Variants in CADPS observed in about 807,000 individuals in gnomAD.
CADPS encodes calcium-dependent secretion activator 1.
In CADPS, 57 loss-of-function variants were observed where a neutral mutation model predicts 167.3. The observed-to-expected ratio is 0.34, with a 90% CI of 0.28 to 0.42. The LOEUF (loss-of-function observed/expected upper bound fraction) is 0.42. Ranked by LOEUF, CADPS falls within the 20% of genes least tolerant of loss-of-function variation. CADPS has a pLI of 1.00. For synonymous variants in CADPS, 676 were observed against 635.3 expected (o/e 1.06, Z -0.96); for missense variants, 1,414 against 1,738.1 (o/e 0.81, Z 3.32).
chr3:62,510,780 T>C (rs2067637476), intron 17 of CADPS, among the ~76,000 whole-genome samples: 1 of 152,114 alleles, frequency 6.6e-6, no homozygotes. Flanking sequence ...CAGTTGGTTA[T>C]GTAGACCTAT....
intron 1 of CADPS, among the ~76,000 whole-genome samples, chr3:62,870,322 C>G (rs1251290011): frequency 6.6e-6 from 1 of 152,044 alleles, no homozygotes; most frequent in Admixed American, 6.6e-5. Flanking sequence ...TTGAGTAGAC[C>G]AAAGTGCCTC....
chr3:62,613,172 G>A (rs2061734221), intron 6 of CADPS, among the ~76,000 whole-genome samples: 1 of 152,152 alleles, frequency 6.6e-6, no homozygotes, highest in Admixed American at 6.6e-5. Context: ...GTACTAAAGG[G>A]ATAACAGGGT....
chr3:62,491,399 T>A lies in CADPS; in HGVS notation c.2966A>T (p.Glu989Val). 6.2e-7 allele frequency: 1 copy of A among 1,614,174 alleles called. No homozygotes were observed. Among genetic ancestry groups the A allele is most frequent in the Non-Finnish European group, 8.5e-7 (1 of 1,179,994 alleles). ...GTGAATGGATTGTGCAATTGAGGAC[T>A]CCATCAGATCCACATATCTAACAAC... Reference protein sequence around the residue: ...PLVVRYVDLMESSIAQSIHRG... With the variant: ...PLVVRYVDLMVSSIAQSIHRG... Residue 989 changes from glutamate (E) to valine (V), a missense_variant, in exon 21 of 30, where the codon GAG becomes GTG. By Grantham distance (121) the Glu-to-Val change is moderately radical. Around this residue, in one of 6 missense-constraint regions of CADPS, gnomAD observed 529 missense variants for 629.6 expected, o/e 0.84. Coordinates refer to ENST00000383710, the MANE Select transcript of CADPS (RefSeq NM_003716.4).
chr3:62,744,274 A>G (rs1330962806), intron 3 of CADPS, among the ~76,000 whole-genome samples: 1 of 152,160 alleles, frequency 6.6e-6, no homozygotes, highest in Non-Finnish European at 1.5e-5. Context: ...TGAAGCCTCC[A>G]CTAACAGTTC....
intron 28 of CADPS, among the ~76,000 whole-genome samples, chr3:62,413,141 T>C (rs757686551): frequency 2.2e-4 from 34 of 152,240 alleles, no homozygotes; most frequent in South Asian, 6.2e-4. Context: ...AGGCACAAGA[T>C]GGGAAAGCAG....
intron 8 of CADPS, among the ~76,000 whole-genome samples, chr3:62,576,788 T>TAAAAAAAAAAAAAAAAAAA (rs138055445): frequency 3.3e-4 from 10 of 29,864 alleles, no homozygotes; most frequent in East Asian, 2.5e-3. Flanking sequence ...AGACTCTGTC[T>TAAAAAAAAAAAAAAAAAAA]AAAAAAAAAA....
intron 2 of CADPS, 112 bp downstream of exon 2, chr3:62,765,759 G>A (rs1272496873): frequency 3.4e-6 from 2 of 591,780 alleles, no homozygotes; most frequent in East Asian, 2.7e-5. Context: ...TTTGCCTTAG[G>A]AAGGATGATA....
At chr3:62,745,596 A>G (rs1045588749) in intron 3 of CADPS, among the ~76,000 whole-genome samples, 18 of 152,196 alleles carry the variant, frequency 1.2e-4, no homozygotes, top group African/African-American at 2.7e-4. Flanking sequence ...TGCCTGGAAG[A>G]TTACTGTGAC....
rs558885330 is a variant in CADPS at position 62,484,942 on chromosome 3, T to C, written c.3027-3073A>G. On this transcript the variant is annotated intron_variant, in intron 21 of 29. Transcript: ENST00000383710. ...TTGAGCACTGAAGCCTCTGTCAGTG[T>C]TTGTTCTTAGGTCTAATCCCTACTT... Among the ~76,000 whole-genome samples, 195 of 152,310 alleles carry C rather than the reference T, an allele frequency of 1.3e-3. 2 individuals are homozygous for C. Among genetic ancestry groups the C allele is most frequent in the African/African-American group, 4.4e-3 (185 of 41,582 alleles).
At chr3:62,791,731 G>A (rs548635192) in intron 1 of CADPS, among the ~76,000 whole-genome samples, 2 of 152,328 alleles carry the variant, frequency 1.3e-5, no homozygotes, top group African/African-American at 4.8e-5. Context: ...TGTGCACTAT[G>A]CAGTACAGCA....
chr3:62,788,410 C>G (rs138062685), intron 1 of CADPS, among the ~76,000 whole-genome samples: 1 of 152,072 alleles, frequency 6.6e-6, no homozygotes, highest in Admixed American at 6.5e-5. Flanking sequence ...CACTTCACCA[C>G]GAAGTCGGTG....
At chr3:62,735,547 T>G (rs1186274575) in intron 3 of CADPS, among the ~76,000 whole-genome samples, 1 of 152,206 alleles carries the variant, frequency 6.6e-6, no homozygotes, top group East Asian at 1.9e-4. Context: ...CTGCTAAGCC[T>G]GTGCTAGTAT....
chr3:62,768,637 G>C (rs2087616412), intron 1 of CADPS, among the ~76,000 whole-genome samples: 1 of 152,026 alleles, frequency 6.6e-6, no homozygotes, highest in South Asian at 2.1e-4. Context: ...GATCTCACCT[G>C]TTACTTCTTA....
intron 3 of CADPS, among the ~76,000 whole-genome samples, chr3:62,724,618 T>C (rs997303290): frequency 4.6e-5 from 7 of 152,324 alleles, no homozygotes; most frequent in South Asian, 2.1e-4. Context: ...GGTATTCTCA[T>C]ATATGTGGTG....
At chr3:62,813,799 A>G (rs1160807507) in intron 1 of CADPS, among the ~76,000 whole-genome samples, 6 of 152,226 alleles carry the variant, frequency 3.9e-5, no homozygotes, top group African/African-American at 9.6e-5. Flanking sequence ...GGCAAAGGAC[A>G]TGAACAGACA....
At chr3:62,501,503 G>A (rs1212791743) in intron 17 of CADPS, among the ~76,000 whole-genome samples, 1 of 151,870 alleles carries the variant, frequency 6.6e-6, no homozygotes, top group Admixed American at 6.6e-5. Flanking sequence ...TTACCCATTC[G>A]ACACATACAC....
At chr3:62,808,453 C>G (rs1440347028) in intron 1 of CADPS, among the ~76,000 whole-genome samples, 3 of 152,098 alleles carry the variant, frequency 2.0e-5, no homozygotes, top group Non-Finnish European at 2.9e-5. Flanking sequence ...GTCAAAAAGT[C>G]CTGCTTCAGG....
Position 62,516,161 on chromosome 3 carries a change from T to C in CADPS, c.2479A>G (p.Thr827Ala). The C allele has an allele frequency of 6.2e-7, 1 of 1,613,148 alleles. No homozygotes were observed. Among genetic ancestry groups the C allele is most frequent in the African/African-American group, 1.3e-5 (1 of 74,978 alleles). ...LERVLMKDIV[T>A]PVPQEEVKTV... The stretch of plus-strand genomic sequence containing the variant: ...TTTACCTCCTCTTGTGGCACTGGGG[T>C]AACAATATCTTTCATCAAAACCTTC... The change falls in exon 16 of 30, where the codon ACC becomes GCC. Residue 827 changes from threonine (T) to alanine (A), a missense_variant. Thr to Ala is a moderately conservative substitution (Grantham distance 58). Transcript: ENST00000383710.
chr3:62,418,487 A>ATTTTTTTTTTTTT (rs5849477), intron 28 of CADPS, among the ~76,000 whole-genome samples: 16 of 88,870 alleles, frequency 1.8e-4, no homozygotes, highest in East Asian at 3.3e-4. Flanking sequence ...ACCATGCCCT[A>ATTTTTTTTTTTTT]TTTTTTTTTT....
Sources: allele counts gnomAD v4.1 joint callset (sites outside exome capture counted in the v4.1 genomes callset), GRCh38; gene constraint gnomAD v4.1.1; regional missense constraint gnomAD v4.1.1; transcripts MANE v1.5; gene names NCBI Gene and HGNC (gene_info 2026-07-23, HGNC 2026-07-21).